The following CNTN4 variants were observed in gnomAD, a reference collection of about 807,000 sequenced individuals.
CNTN4 encodes contactin 4.
A neutral mutation model predicts 122.5 loss-of-function variants in CNTN4; 77 were observed. The ratio of observed to expected loss-of-function variants is 0.63; its 90% CI spans 0.52 to 0.76. CNTN4 has a LOEUF of 0.76. Among genes scored for constraint, CNTN4 ranks in the 30% least tolerant of loss-of-function variants. CNTN4 has a pLI of 0.00. For synonymous variants in CNTN4, 512 were observed against 447.0 expected, an observed-to-expected ratio of 1.15 and a Z score of -1.83; for missense variants, 1,256 against 1,259.1, an observed-to-expected ratio of 1.00 and a Z score of 0.04.
chr3:2,501,603 C>T (rs2076596289), intron 3 of CNTN4, among the ~76,000 whole-genome samples: 1 of 152,070 alleles, frequency 6.6e-6, no homozygotes, highest in Non-Finnish European at 1.5e-5. Context: ...AATGTCACTC[C>T]CCACCCTCAC....
At chr3:2,499,364 T>C (rs1198143016) in intron 3 of CNTN4, among the ~76,000 whole-genome samples, 1 of 152,188 alleles carries the variant, frequency 6.6e-6, no homozygotes, top group African/African-American at 2.4e-5. Context: ...ATATAGAGTT[T>C]ATTTTGGAGG....
At chr3:2,873,667 A>C (rs1197474495) in intron 8 of CNTN4, among the ~76,000 whole-genome samples, 1 of 152,244 alleles carries the variant, frequency 6.6e-6, no homozygotes, top group Non-Finnish European at 1.5e-5. Flanking sequence ...TCAACTGGGC[A>C]TCAACAGCCA....
intron 2 of CNTN4, among the ~76,000 whole-genome samples, chr3:2,204,745 G>GA (rs2038262302): frequency 1.3e-5 from 2 of 151,872 alleles, no homozygotes; most frequent in Non-Finnish European, 2.9e-5. Context: ...AGGATGCAAG[G>GA]CCCCCCCATG....
chr3:2,294,705 T>C (rs112398377), intron 2 of CNTN4, among the ~76,000 whole-genome samples: 3,566 of 152,258 alleles, frequency 0.023, 136 homozygotes, highest in African/African-American at 0.082. Flanking sequence ...ACTTTAAGTT[T>C]TAGGGTACAT....
chr3:2,887,267 C>G (rs758008898), intron 10 of CNTN4, 43 bp downstream of exon 10: 6 of 1,559,950 alleles, frequency 3.8e-6, no homozygotes, highest in South Asian at 1.1e-5. Flanking sequence ...TGCTACAGAA[C>G]TTCCTGATAT....
chr3:2,289,814 A>G (rs1339334899), intron 2 of CNTN4, among the ~76,000 whole-genome samples: 1 of 152,212 alleles, frequency 6.6e-6, no homozygotes, highest in Non-Finnish European at 1.5e-5. Context: ...TTCTAAGAAT[A>G]GTCATTGATG....
At chr3:2,682,834 G>C (rs535214392) in intron 4 of CNTN4, among the ~76,000 whole-genome samples, 1 of 152,196 alleles carries the variant, frequency 6.6e-6, no homozygotes, top group South Asian at 2.1e-4. Context: ...TCCAACAAAA[G>C]TGCCCAATCT....
chr3:2,368,383 T>C (rs768857706), intron 3 of CNTN4, among the ~76,000 whole-genome samples: 1 of 152,126 alleles, frequency 6.6e-6, no homozygotes, highest in Non-Finnish European at 1.5e-5. Context: ...ATCTGTGTTT[T>C]AGTTAGTCTG....
intron 4 of CNTN4, among the ~76,000 whole-genome samples, chr3:2,674,405 T>C (rs2084716989): frequency 6.6e-6 from 1 of 152,218 alleles, no homozygotes; most frequent in Non-Finnish European, 1.5e-5. Flanking sequence ...ATTTACTGTT[T>C]CTTTGTGTTG....
chr3:2,559,876 A>G (rs1255372631), intron 3 of CNTN4, among the ~76,000 whole-genome samples: 4 of 152,170 alleles, frequency 2.6e-5, no homozygotes, highest in African/African-American at 9.7e-5. Context: ...AGAAGAATGC[A>G]AGCTCCATGA....
chr3:2,374,952 C>T (rs763146626), intron 3 of CNTN4, among the ~76,000 whole-genome samples: 1 of 152,070 alleles, frequency 6.6e-6, no homozygotes, highest in South Asian at 2.1e-4. Context: ...CATTTTGTAC[C>T]ATAACCTATT....
Position 2,340,685 on chromosome 3 carries a change from T to TTATATATATA in CNTN4, c.-89+1469_-89+1478dup, listed in dbSNP as rs373402290. On this transcript the variant is annotated intron_variant, in intron 3 of 24. Coordinates refer to ENST00000418658, the MANE Select transcript of CNTN4 (RefSeq NM_175607.3). ...ACAGAGCAAGACCTTGTCATAAATTTTATATATATATATATATATATATAT... is the reference window on the plus strand; with the variant it reads ...ACAGAGCAAGACCTTGTCATAAATTTTATATATATATATATATATATATATATATATATAT... Among the ~76,000 whole-genome samples the TTATATATATA allele has an allele frequency of 6.2e-3, 183 of 29,584 alleles. 2 individuals carry two copies. The highest frequency in any genetic ancestry group is 0.013 in the African/African-American group (174 of 12,978). 19.4% of individuals were successfully genotyped at this position (29,584 alleles called of 152,430 possible).
chr3:2,944,475 C>T (rs1161825494), intron 13 of CNTN4, among the ~76,000 whole-genome samples: 2 of 152,020 alleles, frequency 1.3e-5, no homozygotes, highest in East Asian at 3.9e-4. Flanking sequence ...GGTAACGAAA[C>T]TTTTATTATT....
At chr3:2,586,855 G>C (rs1485876903) in intron 4 of CNTN4, among the ~76,000 whole-genome samples, 3 of 152,094 alleles carry the variant, frequency 2.0e-5, no homozygotes, top group Admixed American at 1.3e-4. Context: ...TCTCTGAATT[G>C]TTACCTTATT....
At chr3:2,606,889 T>G (rs2081282009) in intron 4 of CNTN4, among the ~76,000 whole-genome samples, 1 of 152,212 alleles carries the variant, frequency 6.6e-6, no homozygotes, top group African/African-American at 2.4e-5. Context: ...CATGGCAGTA[T>G]TGGTGTTGGT....
At chr3:2,985,050 G>T (rs964821904) in intron 13 of CNTN4, among the ~76,000 whole-genome samples, 2 of 152,306 alleles carry the variant, frequency 1.3e-5, no homozygotes, top group African/African-American at 4.8e-5. Flanking sequence ...TGTTATATGC[G>T]TAGCTGTGAT....
At chr3:2,229,244 G>T (rs531507170) in intron 2 of CNTN4, among the ~76,000 whole-genome samples, 1 of 152,244 alleles carries the variant, frequency 6.6e-6, no homozygotes, top group South Asian at 2.1e-4. Flanking sequence ...AATGATTATT[G>T]CATTAGGATG....
At chr3:2,876,342 C>T (rs890141547) in intron 8 of CNTN4, among the ~76,000 whole-genome samples, 2 of 152,178 alleles carry the variant, frequency 1.3e-5, no homozygotes, top group Admixed American at 1.3e-4. Flanking sequence ...AAATGGTAAA[C>T]TCAGTCAGGT....
intron 4 of CNTN4, among the ~76,000 whole-genome samples, chr3:2,677,180 T>G (rs1485395368): frequency 6.9e-6 from 1 of 145,980 alleles, no homozygotes. Context: ...TAGATGTGTA[T>G]ATATATAGAT....
Sources: allele counts gnomAD v4.1 joint callset (sites outside exome capture counted in the v4.1 genomes callset), GRCh38; gene constraint gnomAD v4.1.1; transcripts MANE v1.5; gene names NCBI Gene and HGNC (gene_info 2026-07-23, HGNC 2026-07-21).